Variants in GBP4 observed in about 807,000 individuals in gnomAD.
GBP4 encodes the protein guanylate binding protein 4, also known as guanylate-binding protein 4.
GBP4 carries 69 observed loss-of-function variants against 62.2 expected under a neutral mutation model. That is an observed-to-expected ratio of 1.11 (90% CI 0.91 to 1.36). The LOEUF (loss-of-function observed/expected upper bound fraction) is 1.36. Among genes scored for constraint, GBP4 ranks in the 40% most tolerant of loss-of-function variants. The probability of loss-of-function intolerance (pLI) is 0.00; values close to 1 mark genes in which losing one functional copy is unlikely to be tolerated. For missense variants in GBP4, 697 were observed against 759.3 expected (o/e 0.92, Z 0.96); for synonymous variants, 278 against 274.6 (o/e 1.01, Z -0.12).
Position 89,195,320 on chromosome 1 carries a change from C to A in GBP4, c.340G>T (p.Glu114Ter), listed in dbSNP as rs771688858. The change falls in exon 3 of 11, where the codon GAG becomes TAG. Residue 114 changes from glutamate to a stop codon, truncating the protein, a stop_gained. Coordinates refer to ENST00000355754, the MANE Select transcript of GBP4 (RefSeq NM_052941.5). LOFTEE classifies it high-confidence loss of function. ...ACCTTTTCTACATCGCCCAGGCCCT[C>A]GGTGTCCAGAAGGACCAGGGTGTGG... is the stretch of plus-strand genomic sequence containing the variant. ...PNHTLVLLDT[E>*]GLGDVEKSNP... is the part of the protein sequence containing the mutation. 1 of 1,613,910 alleles carries A rather than the reference C, an allele frequency of 6.2e-7. No homozygotes were observed. The highest frequency in any genetic ancestry group is 1.7e-5 in the Admixed American group (1 of 60,014).
chr1:89,193,128 A>G lies in GBP4; in HGVS notation c.474-28T>C, dbSNP rs754006692. On this transcript the variant is annotated intron_variant, in intron 4 of 10. Transcript: ENST00000355754. ...GGGATCTCAGCTAAGGAAGGATAGCACCCTACACCATCATTTCCATATCTC... is the reference window on the plus strand; with the variant it reads ...GGGATCTCAGCTAAGGAAGGATAGCGCCCTACACCATCATTTCCATATCTC... 8.1e-6 allele frequency: 13 copies of G among 1,602,892 alleles called. No homozygotes were observed. In the East Asian group the frequency reaches 2.7e-4, roughly 33 times the overall value.
intron 6 of GBP4, among the ~76,000 whole-genome samples, chr1:89,190,607 C>T (rs138439735): frequency 6.6e-6 from 1 of 152,082 alleles, no homozygotes; most frequent in Non-Finnish European, 1.5e-5. Context: ...AATACATTTC[C>T]ATTTAAATAC....
intron 10 of GBP4, among the ~76,000 whole-genome samples, chr1:89,185,947 T>C (rs1256619554): frequency 6.6e-6 from 1 of 152,204 alleles, no homozygotes; most frequent in Non-Finnish European, 1.5e-5. Context: ...TTCAGTATCA[T>C]TTCATATCAA....
chr1:89,193,852 T>C (rs1648254925), intron 3 of GBP4, among the ~76,000 whole-genome samples: 1 of 152,202 alleles, frequency 6.6e-6, no homozygotes, highest in African/African-American at 2.4e-5. Context: ...TTCAAGAAGA[T>C]GGCTTTCTGG....
In GBP4 at chr1:89,185,471, T is replaced by A. The variant is rs1648012236; in HGVS notation, c.1708-2A>T. The stretch of plus-strand genomic sequence containing the variant: ...TTCCTTAAGCATTTCTTCTTGTACC[T>A]ATAAAAGGGAAATAGTCCACTTTTG... On this transcript the variant is annotated splice_acceptor_variant, in intron 10 of 10. Transcript: ENST00000355754. LOFTEE classifies it high-confidence loss of function. The A allele has an allele frequency of 6.8e-7, 1 of 1,463,214 alleles. No homozygotes were observed. Among genetic ancestry groups the A allele is most frequent in the African/African-American group, 1.4e-5 (1 of 71,648 alleles). The allele number at this position is 1,463,214 out of a possible 1,614,324, so 90.6% of individuals were successfully genotyped here.
At position 89,188,542 on chromosome 1, in the gene GBP4, C is replaced by T. The variant is rs578183575; in HGVS notation, c.1410+40G>A. ...AGAAGGGGCAACAAAAACCCTCTGA[C>T]TATCCTCTGTTATCCATCCCCCATT... On this transcript the variant is annotated intron_variant, in intron 8 of 10. Coordinates refer to ENST00000355754, the MANE Select transcript of GBP4 (RefSeq NM_052941.5). 51 of 1,523,220 alleles carry T rather than the reference C, an allele frequency of 3.3e-5. No homozygotes were observed. In the South Asian group the frequency reaches 4.9e-4, roughly 15 times the overall value. The allele number at this position is 1,523,220 out of a possible 1,614,324, so 94.4% of individuals were successfully genotyped here.
rs1352360932 is a variant in GBP4, at chr1:89,184,800, C to G, written c.*454G>C. ...TTATCTGCACACCAAACCCCCATGA[C>G]ATGCAGTTTACCTATGTAACAAACC... On this transcript the variant is annotated 3_prime_UTR_variant, in exon 11 of 11. Coordinates refer to ENST00000355754, the MANE Select transcript of GBP4 (RefSeq NM_052941.5). 1.3e-5 allele frequency: 2 copies of G among 152,934 alleles called. No individual in the cohort carries two copies. Among genetic ancestry groups the G allele is most frequent in the Non-Finnish European group, 2.9e-5 (2 of 68,660 alleles). The allele number at this position is 152,934 out of a possible 1,614,324, so 9.5% of individuals were successfully genotyped here.
rs1399797354 is a variant in GBP4, at chr1:89,190,231, T to C, written c.1004A>G (p.Gln335Arg). The change falls in exon 7 of 11, where the codon CAG becomes CGG. Residue 335 changes from glutamine (Q) to arginine (R), a missense_variant. Gln to Arg is a conservative substitution (Grantham distance 43, BLOSUM62 1). This residue lies in a region of GBP4 where 556 missense variants were observed against 562.7 expected (regional missense o/e 0.99). Transcript: ENST00000355754. ...CTGCACAGCCGCTGGGTTCTCAAGC[T>C]GGGCCAGTGCTGTCACTGCATTCTC... ...CLENAVTALAQLENPAAVQRA... is the reference protein window; with the variant it reads ...CLENAVTALARLENPAAVQRA... The C allele has an allele frequency of 1.2e-6, 2 of 1,614,054 alleles. No homozygotes were observed. Among genetic ancestry groups the C allele is most frequent in the Admixed American group, 3.3e-5 (2 of 60,002 alleles).
At position 89,183,591 on chromosome 1, in the gene GBP4, A is replaced by T. The variant is rs1647949336; in HGVS notation, c.*1663T>A. The stretch of plus-strand genomic sequence containing the variant: ...TAAAGAGCTTCTGCACATCAAAAGA[A>T]ACTATTGGCCAGATGTGGTGGCTCA... On this transcript the variant is annotated 3_prime_UTR_variant, in exon 11 of 11. Coordinates refer to ENST00000355754, the MANE Select transcript of GBP4 (RefSeq NM_052941.5). 6.6e-6 allele frequency: 1 copy of T among 152,248 alleles called. No individual in the cohort carries two copies. The highest frequency in any genetic ancestry group is 2.1e-4 in the South Asian group (1 of 4,834). 9.4% of individuals were successfully genotyped at this position (152,248 alleles called of 1,614,324 possible).
intron 2 of GBP4, among the ~76,000 whole-genome samples, chr1:89,196,070 C>T (rs533189269): frequency 1.1e-3 from 165 of 152,268 alleles, no homozygotes; most frequent in African/African-American, 3.3e-3. Flanking sequence ...AGAAATCCCA[C>T]TTCTGAGAAT....
rs773447623 is a variant in GBP4, at chr1:89,190,052, G to A, written c.1183C>T (p.Gln395Ter). The A allele has an allele frequency of 6.2e-7, 1 of 1,607,316 alleles. No individual in the cohort carries two copies. Among genetic ancestry groups the A allele is most frequent in the Non-Finnish European group, 8.5e-7 (1 of 1,174,812 alleles). ...HSFKDENHEFQKKLVDTIEKK... is the reference protein window; with the variant it reads ...HSFKDENHEF ...GCTAAAAGTACCACAAGCTTCTTCTGGAATTCATGGTTTTCATCCTTGAAG... is the reference window on the plus strand; with the variant it reads ...GCTAAAAGTACCACAAGCTTCTTCTAGAATTCATGGTTTTCATCCTTGAAG... Residue 395 changes from glutamine to a stop codon, truncating the protein, a stop_gained, in exon 7 of 11, where the codon CAG (glutamine) becomes TAG (stop). Transcript: ENST00000355754. LOFTEE classifies it high-confidence loss of function.
intron 1 of GBP4, 127 bp downstream of exon 1, chr1:89,198,668 C>T (rs1036560633): frequency 2.4e-6 from 2 of 826,642 alleles, no homozygotes; most frequent in African/African-American, 3.3e-5. Context: ...GAGGTTCCTC[C>T]ACTGCCTTTG....
chr1:89,194,108 C>A (rs980615268), intron 3 of GBP4, among the ~76,000 whole-genome samples: 1 of 152,018 alleles, frequency 6.6e-6, no homozygotes, highest in African/African-American at 2.4e-5. Flanking sequence ...TGAAGAAGGA[C>A]GGATAAAGCA....
At position 89,197,156 on chromosome 1, in the gene GBP4, G is replaced by A. The variant is rs1026005439; in HGVS notation, c.189C>T (p.Arg63=). Residue 63 remains arginine, a synonymous_variant, in exon 2 of 11, where the codon CGC becomes CGT. Coordinates refer to ENST00000355754, the MANE Select transcript of GBP4 (RefSeq NM_052941.5). ...VVVVAIVGLY[R]TGKSYLMNRL... is the part of the protein sequence containing the mutation. The stretch of plus-strand genomic sequence containing the variant: ...GATTCATGAGATAGGATTTTCCTGT[G>A]CGGTATAGCCCTACAATGGCCACCA... 3.1e-6 allele frequency: 5 copies of A among 1,613,796 alleles called. No homozygotes were observed. Among genetic ancestry groups the A allele is most frequent in the Admixed American group, 3.3e-5 (2 of 59,978 alleles).
chr1:89,195,468 C>T (rs745737889), intron 2 of GBP4, 44 bp from the exon 3 acceptor site: 3 of 1,603,786 alleles, frequency 1.9e-6, no homozygotes, highest in Non-Finnish European at 2.6e-6. Context: ...AGTGGATAGA[C>T]CAGGATGTCC....
chr1:89,189,378 G>A (rs2100675161), intron 7 of GBP4, among the ~76,000 whole-genome samples: 1 of 152,296 alleles, frequency 6.6e-6, no homozygotes, highest in African/African-American at 2.4e-5. Flanking sequence ...CAGACTGAAA[G>A]ACAAACTTTC....
chr1:89,198,782 A>G lies in GBP4; in HGVS notation c.40+13T>C, dbSNP rs1207471608. 2 of 1,610,930 alleles carry G rather than the reference A, an allele frequency of 1.2e-6. No individual in the cohort carries two copies. The highest frequency in any genetic ancestry group is 2.7e-5 in the African/African-American group (2 of 74,866). On this transcript the variant is annotated intron_variant, in intron 1 of 10. Coordinates refer to ENST00000355754, the MANE Select transcript of GBP4 (RefSeq NM_052941.5). ...AAATATACTTGAAAGGTAAAGCTTA[A>G]GAGCAAACTTACCTGGTGTGGGCAC...
intron 1 of GBP4, 23 bp from the exon 2 acceptor site, chr1:89,197,327 CAGT>C (rs766234249): frequency 1.3e-6 from 2 of 1,599,932 alleles, no homozygotes; most frequent in South Asian, 2.2e-5. Context: ...AAAAAATACT[CAGT>C]AGAATACAAG....
In GBP4 at chr1:89,182,512, C is replaced by A. The variant is rs1309355148; in HGVS notation, c.*2742G>T. Reference sequence around the variant, plus strand: ...TTTTTTTTTTTTTGAGACGGAGTTTCGCTCTGTCGCCCAGGCTGGAGTGCA... The same window carrying A: ...TTTTTTTTTTTTTGAGACGGAGTTTAGCTCTGTCGCCCAGGCTGGAGTGCA... On this transcript the variant is annotated 3_prime_UTR_variant, in exon 11 of 11. Transcript: ENST00000355754. The A allele has an allele frequency of 8.4e-6, 1 of 119,432 alleles. No individual in the cohort carries two copies. Among genetic ancestry groups the A allele is most frequent in the Non-Finnish European group, 1.7e-5 (1 of 60,260 alleles). 7.4% of individuals were successfully genotyped at this position (119,432 alleles called of 1,614,324 possible).
Sources: allele counts gnomAD v4.1 joint callset (sites outside exome capture counted in the v4.1 genomes callset), GRCh38; gene constraint gnomAD v4.1.1; regional missense constraint gnomAD v4.1.1; transcripts MANE v1.5; gene names NCBI Gene and HGNC (gene_info 2026-07-23, HGNC 2026-07-21).